Variants in RPS19 observed in about 807,000 individuals in gnomAD.
The protein encoded by RPS19 is ribosomal protein S19.
In RPS19, 1 loss-of-function variant was observed where a neutral mutation model predicts 20.3. That is an observed-to-expected ratio of 0.05 (90% CI 0.02 to 0.23). The LOEUF (loss-of-function observed/expected upper bound fraction) is 0.23. Ranked by LOEUF, RPS19 falls within the 10% of genes least tolerant of loss-of-function variation. The pLI, the probability that RPS19 is intolerant of heterozygous loss-of-function variation, is 1.00. For synonymous variants in RPS19, 87 were observed against 74.8 expected (o/e 1.16, Z -0.84); for missense variants, 111 against 192.7 (o/e 0.58, Z 2.51).
intron 3 of RPS19, chr19:41,864,739 C>T (rs1210321452): frequency 2.6e-5 from 4 of 152,178 alleles, no homozygotes; most frequent in African/African-American, 9.7e-5. Flanking sequence ...AGCAGAGGAG[C>T]AGAAGGCCTC....
intron 1 of RPS19, 57 bp from the exon 2 acceptor site, chr19:41,860,718 G>C (rs2074019002): frequency 7.8e-7 from 1 of 1,285,188 alleles, no homozygotes; most frequent in Admixed American, 1.7e-5. Context: ...TGGGGTCCGT[G>C]CTCTTGGCAG....
Position 41,860,787 on chromosome 19 carries a change from A to G in RPS19, c.13A>G (p.Thr5Ala). ...CTTTCTCCCTCAGATGCCTGGAGTT[A>G]CTGTAAAAGACGTGAACCAGCAGGA... MPGVTVKDVNQQEFV... is the reference protein window; with the variant it reads MPGVAVKDVNQQEFV... The change falls in exon 2 of 6, where the codon ACT (threonine) becomes GCT (alanine). Residue 5 changes from threonine to alanine, a missense_variant. Coordinates refer to ENST00000598742, the MANE Select transcript of RPS19 (RefSeq NM_001022.4). 3.1e-6 allele frequency: 5 copies of G among 1,613,770 alleles called. No homozygotes were observed. Among genetic ancestry groups the G allele is most frequent in the Non-Finnish European group, 4.2e-6 (5 of 1,179,622 alleles).
chr19:41,871,184 C>T (rs1282072138), intron 5 of RPS19, among the ~76,000 whole-genome samples, 167 bp from the exon 6 acceptor site: 1 of 150,092 alleles, frequency 6.7e-6, no homozygotes, highest in Non-Finnish European at 1.5e-5. Context: ...ACTCAGTTTC[C>T]ACGTCTGTGA....
chr19:41,861,659 CAG>C (rs539501641), intron 3 of RPS19: 290 of 265,106 alleles, frequency 1.1e-3, no homozygotes, highest in African/African-American at 6.0e-3. Context: ...GAATTTAAAG[CAG>C]AGTGTTTAGA....
intron 3 of RPS19, among the ~76,000 whole-genome samples, chr19:41,863,435 C>T (rs2074053594): frequency 6.6e-6 from 1 of 152,148 alleles, no homozygotes; most frequent in African/African-American, 2.4e-5. Context: ...CCTGGGAGGG[C>T]TTGGCAGGGT....
chr19:41,860,340 C>G (rs1360674196), intron 1 of RPS19, 51 bp downstream of exon 1: 1 of 155,082 alleles, frequency 6.4e-6, no homozygotes, highest in Non-Finnish European at 1.4e-5. Flanking sequence ...GGGCCGGACG[C>G]CGAAGCCTCA....
intron 3 of RPS19, chr19:41,864,008 A>T (rs2074059938): frequency 6.6e-6 from 1 of 151,834 alleles, no homozygotes; most frequent in Non-Finnish European, 1.5e-5. Flanking sequence ...ACGCCCAGCT[A>T]ATTTTTCTAT....
intron 3 of RPS19, among the ~76,000 whole-genome samples, chr19:41,866,681 C>A (rs2074093510): frequency 1.3e-5 from 2 of 152,132 alleles, no homozygotes; most frequent in Admixed American, 1.3e-4. Flanking sequence ...ACCCCAATAC[C>A]CAAGTCCACA....
At chr19:41,866,970 T>A (rs1233761042) in intron 3 of RPS19, among the ~76,000 whole-genome samples, 1 of 151,038 alleles carries the variant, frequency 6.6e-6, no homozygotes, top group Admixed American at 6.6e-5. Context: ...TGAACCGAGA[T>A]TGCGCCACTG....
chr19:41,869,667 C>G (rs782290959), intron 4 of RPS19, 32 bp from the exon 5 acceptor site: 1 of 1,610,926 alleles, frequency 6.2e-7, no homozygotes, highest in African/African-American at 1.3e-5. Flanking sequence ...CCTGTGCTCA[C>G]TGGGGCCTGC....
intron 3 of RPS19, among the ~76,000 whole-genome samples, chr19:41,862,208 C>T (rs2074039243): frequency 6.6e-6 from 1 of 152,100 alleles, no homozygotes; most frequent in Non-Finnish European, 1.5e-5. Flanking sequence ...GTTGCTTGGC[C>T]CTTCAGAATA....
intron 3 of RPS19, among the ~76,000 whole-genome samples, chr19:41,861,827 C>A (rs2074035087): frequency 6.6e-6 from 1 of 152,232 alleles, no homozygotes; most frequent in African/African-American, 2.4e-5. Context: ...ATCTTGACTT[C>A]TGATCTTATG....
intron 5 of RPS19, 39 bp downstream of exon 5, chr19:41,869,792 C>G (rs369182001): frequency 6.2e-7 from 1 of 1,600,932 alleles, no homozygotes; most frequent in Non-Finnish European, 8.6e-7. Flanking sequence ...GTCCCTTAGT[C>G]GCTGCCCAAG....
intron 3 of RPS19, among the ~76,000 whole-genome samples, chr19:41,861,904 C>T (rs1255176755): frequency 2.0e-5 from 3 of 152,172 alleles, no homozygotes; most frequent in Admixed American, 1.3e-4. Context: ...ATGTACAGTC[C>T]CTGACTAGTG....
chr19:41,870,113 A>T (rs1482046112), intron 5 of RPS19, among the ~76,000 whole-genome samples: 1 of 152,068 alleles, frequency 6.6e-6, no homozygotes, highest in Admixed American at 6.6e-5. Flanking sequence ...GTGGTGGCAC[A>T]TTCCTGTAAT....
intron 1 of RPS19, 182 bp from the exon 2 acceptor site, chr19:41,860,593 T>G: frequency 1.4e-6 from 1 of 697,776 alleles, no homozygotes; most frequent in Non-Finnish European, 2.6e-6. Flanking sequence ...AGAGAGGCCG[T>G]GGGCGTCGGT....
At chr19:41,861,593 A>G (rs1555839315) in intron 3 of RPS19, 3 of 345,966 alleles carry the variant, frequency 8.7e-6, no homozygotes, top group East Asian at 7.4e-5. Context: ...GCACTCTCTC[A>G]TCCCCAAAAT....
intron 3 of RPS19, chr19:41,864,641 G>A (rs2074066489): frequency 6.6e-6 from 1 of 152,254 alleles, no homozygotes; most frequent in African/African-American, 2.4e-5. Context: ...GAGTGGAGAG[G>A]GGTGGCCTCC....
chr19:41,871,142 T>C (rs923674687), intron 5 of RPS19, among the ~76,000 whole-genome samples: 16 of 152,018 alleles, frequency 1.1e-4, no homozygotes, highest in South Asian at 2.1e-4. Flanking sequence ...GGATTAAAGG[T>C]GTGAGCCACT....
Sources: gnomAD v4.1 joint callset for allele counts (sites outside exome capture counted in the v4.1 genomes callset) on GRCh38, gnomAD v4.1.1 for gene constraint, MANE v1.5 for transcripts, NCBI Gene and HGNC (gene_info 2026-07-23, HGNC 2026-07-21) for gene names.